The following PARD3B variants were observed in gnomAD, a reference collection of about 807,000 sequenced individuals.
PARD3B encodes partitioning defective 3 homolog B.
In PARD3B, 103 loss-of-function variants were observed where a neutral mutation model predicts 130.2. The observed-to-expected ratio is 0.79, with a 90% CI of 0.67 to 0.93. The LOEUF is 0.93. PARD3B is among the 40% of genes least tolerant of loss of function. PARD3B has a pLI of 0.00. For synonymous variants in PARD3B, 583 were observed against 553.2 expected (o/e 1.05, Z -0.76); for missense variants, 1,609 against 1,499.2 (o/e 1.07, Z -1.21).
intron 1 of PARD3B, among the ~76,000 whole-genome samples, chr2:204,578,270 C>T (rs1008796862): frequency 2.0e-5 from 3 of 152,076 alleles, no homozygotes; most frequent in Non-Finnish European, 2.9e-5. Context: ...ACATAGGGAG[C>T]GTCTTGGCTT....
rs187382502 is a variant in PARD3B at position 205,122,566 on chromosome 2, A to G, written c.1165+617A>G. Among the ~76,000 whole-genome samples, 3 of 152,382 alleles carry G rather than the reference A, an allele frequency of 2.0e-5. No homozygotes were observed. In the East Asian group the frequency reaches 5.8e-4, roughly 29 times the overall value. The stretch of plus-strand genomic sequence containing the variant: ...TTTATGCAGTATTCTACACACATAC[A>G]TAAGCATTCATGTGCTTCTGTGCTT... On this transcript the variant is annotated intron_variant, in intron 8 of 22. Transcript: ENST00000406610. The surrounding 1 kb of genome is among the most constrained non-coding windows in gnomAD (Gnocchi z 4.3).
chr2:205,537,428 C>T (rs1575293071), intron 21 of PARD3B, among the ~76,000 whole-genome samples: 2 of 152,292 alleles, frequency 1.3e-5, no homozygotes, highest in African/African-American at 4.8e-5. Context: ...CTGCTGACCC[C>T]TTGCTACATG....
intron 18 of PARD3B, among the ~76,000 whole-genome samples, chr2:205,319,535 G>A (rs1052700622): frequency 6.6e-6 from 1 of 152,150 alleles, no homozygotes; most frequent in Non-Finnish European, 1.5e-5. Flanking sequence ...GAGTATACCT[G>A]GATGGACTGC....
chr2:205,206,351 T>G (rs369693610), intron 15 of PARD3B, among the ~76,000 whole-genome samples: 1 of 150,784 alleles, frequency 6.6e-6, no homozygotes, highest in African/African-American at 2.4e-5. Context: ...TATCTCCCGA[T>G]GCTATCCCTC....
At chr2:205,610,646 A>G (rs935263048) in intron 22 of PARD3B, among the ~76,000 whole-genome samples, 3 of 152,198 alleles carry the variant, frequency 2.0e-5, no homozygotes, top group African/African-American at 4.8e-5. Context: ...CTGTAGGGCA[A>G]CAGAGATAAG....
At chr2:205,383,214 G>T (rs1255469118) in intron 18 of PARD3B, among the ~76,000 whole-genome samples, 1 of 151,790 alleles carries the variant, frequency 6.6e-6, no homozygotes, top group Non-Finnish European at 1.5e-5. Flanking sequence ...AAAACCATGA[G>T]TTTATACTGA....
At chr2:205,102,136 A>C (rs1702828569) in intron 4 of PARD3B, among the ~76,000 whole-genome samples, 1 of 152,156 alleles carries the variant, frequency 6.6e-6, no homozygotes, top group Non-Finnish European at 1.5e-5. Context: ...ATCCAACCCT[A>C]GAACCGCCTA....
chr2:205,312,609 G>A (rs1228736144), intron 18 of PARD3B, among the ~76,000 whole-genome samples: 2 of 152,136 alleles, frequency 1.3e-5, no homozygotes, highest in Non-Finnish European at 2.9e-5. Context: ...AAACCATGTT[G>A]GAATTGAGTT....
intron 10 of PARD3B, among the ~76,000 whole-genome samples, chr2:205,127,785 A>G (rs1029862391): frequency 6.6e-6 from 1 of 152,166 alleles, no homozygotes; most frequent in Non-Finnish European, 1.5e-5. Flanking sequence ...CCATTCCTCT[A>G]CTTGACTCCT....
chr2:205,413,056 T>C (rs562840311), intron 19 of PARD3B, among the ~76,000 whole-genome samples: 4 of 152,298 alleles, frequency 2.6e-5, no homozygotes, highest in Admixed American at 2.0e-4. Flanking sequence ...TGAAAGAGAA[T>C]GAACATGAGT....
Position 205,610,018 on chromosome 2 carries a change from C to T in PARD3B, c.3261-5438C>T, listed in dbSNP as rs149674498. ...TTCTTTTAATAAATTATAGCAGACT[C>T]AAGTTTTCCCCTTCAATAATGTCAC... is the stretch of plus-strand genomic sequence containing the variant. On this transcript the variant is annotated intron_variant, in intron 22 of 22. Transcript: ENST00000406610. 2.6e-5 allele frequency among the ~76,000 whole-genome samples: 4 copies of T among 152,308 alleles called. No individual in the cohort carries two copies. The East Asian group carries it at 7.7e-4, about 29-fold the overall frequency.
rs1231030778 is a variant in PARD3B at position 205,224,370 on chromosome 2, C to CAAAAAAAAAA, written c.2141-21399_2141-21390dup. 2.0e-3 allele frequency among the ~76,000 whole-genome samples: 113 copies of CAAAAAAAAAA among 55,154 alleles called. 1 individual carries two copies. The highest frequency in any genetic ancestry group is 2.2e-3 in the African/African-American group (26 of 11,716). The allele number at this position is 55,154 out of a possible 152,430, so 36.2% of individuals were successfully genotyped here. A position where few individuals can be genotyped will look rare whatever the true frequency, so the allele number is the denominator to read the frequency against. ...TGGGCCACAGAGCGAGACTCCGTCT[C>CAAAAAAAAAA]AAAAAAAAAAAAAAAAAAGAAAGAA... On this transcript the variant is annotated intron_variant, in intron 15 of 22. Transcript: ENST00000406610.
chr2:204,595,184 A>G (rs1292392995), intron 1 of PARD3B, among the ~76,000 whole-genome samples: 1 of 152,160 alleles, frequency 6.6e-6, no homozygotes, highest in Non-Finnish European at 1.5e-5. Flanking sequence ...TCTGCTTAAG[A>G]AGTCATCACC....
At chr2:205,601,595 T>C (rs899370459) in intron 22 of PARD3B, among the ~76,000 whole-genome samples, 1 of 152,222 alleles carries the variant, frequency 6.6e-6, no homozygotes, top group African/African-American at 2.4e-5. Flanking sequence ...CTGAGTGGTG[T>C]TGCCTAGATT....
At chr2:205,554,831 G>A (rs545879913) in intron 22 of PARD3B, among the ~76,000 whole-genome samples, 53 of 152,216 alleles carry the variant, frequency 3.5e-4, no homozygotes, top group Admixed American at 5.2e-4. Flanking sequence ...ATGATATAAC[G>A]TGTATGGGAA....
At chr2:205,286,191 C>T (rs948323627) in intron 16 of PARD3B, among the ~76,000 whole-genome samples, 11 of 151,902 alleles carry the variant, frequency 7.2e-5, no homozygotes, top group African/African-American at 2.7e-4. Flanking sequence ...CCAAGTGAAA[C>T]TTATGAGACT....
At chr2:205,327,697 C>G (rs945322433) in intron 18 of PARD3B, among the ~76,000 whole-genome samples, 5 of 152,154 alleles carry the variant, frequency 3.3e-5, no homozygotes, top group Non-Finnish European at 5.9e-5. Context: ...TGCTCATTTT[C>G]CTTTTCAAAC....
intron 2 of PARD3B, among the ~76,000 whole-genome samples, chr2:204,724,044 T>G (rs530860624): frequency 1.3e-5 from 2 of 152,304 alleles, no homozygotes; most frequent in East Asian, 3.9e-4. Context: ...CTTTCCTTAA[T>G]GCTAGTCTCA....
At chr2:204,751,484 G>A (rs971020577) in intron 2 of PARD3B, among the ~76,000 whole-genome samples, 1 of 152,194 alleles carries the variant, frequency 6.6e-6, no homozygotes, top group Non-Finnish European at 1.5e-5. Context: ...AGAAATATTA[G>A]TTCTGCCTAT....
Sources: gnomAD v4.1 joint callset for allele counts (sites outside exome capture counted in the v4.1 genomes callset) on GRCh38, gnomAD v4.1.1 for gene constraint, Gnocchi (gnomAD v3.1) non-coding constraint, MANE v1.5 for transcripts, NCBI Gene and HGNC (gene_info 2026-07-23, HGNC 2026-07-21) for gene names.